DLG2: variants seen among roughly 807,000 people sequenced by gnomAD.
DLG2 encodes the protein discs large MAGUK scaffold protein 2, also known as disks large homolog 2.
Under a neutral mutation model 132.5 loss-of-function variants are expected in DLG2, and 45 were observed. The observed-to-expected ratio is 0.34, with a 90% CI of 0.27 to 0.44. DLG2 has a LOEUF of 0.44. Among genes scored for constraint, DLG2 ranks in the 20% least tolerant of loss-of-function variants. The probability of loss-of-function intolerance (pLI) is 1.00; values close to 1 mark genes in which losing one functional copy is unlikely to be tolerated. For synonymous variants in DLG2, 424 were observed against 419.6 expected (o/e 1.01, Z -0.13); for missense variants, 1,045 against 1,196.9 (o/e 0.87, Z 1.87).
chr11:84,147,575 GA>G (rs993369427), intron 9 of DLG2, among the ~76,000 whole-genome samples: 3 of 152,056 alleles, frequency 2.0e-5, no homozygotes, highest in Non-Finnish European at 4.4e-5. Context: ...AGTTAATAAA[GA>G]AAAGAAAAGA....
At chr11:84,292,911 T>C (rs1341101511) in intron 7 of DLG2, among the ~76,000 whole-genome samples, 1 of 151,856 alleles carries the variant, frequency 6.6e-6, no homozygotes, top group African/African-American at 2.4e-5. Context: ...GCTAATGAGC[T>C]AAAAAACAAA....
chr11:85,252,539 T>C (rs1422582453), intron 4 of DLG2, among the ~76,000 whole-genome samples: 1 of 151,906 alleles, frequency 6.6e-6, no homozygotes, highest in Non-Finnish European at 1.5e-5. Flanking sequence ...TGAGCCAAGA[T>C]CACGCCACTG....
intron 3 of DLG2, among the ~76,000 whole-genome samples, chr11:85,565,394 A>G (rs1198427920): frequency 6.6e-6 from 1 of 152,096 alleles, no homozygotes; most frequent in African/African-American, 2.4e-5. Flanking sequence ...ATCATTTTAA[A>G]GTATATAATT....
At chr11:84,717,357 A>T (rs139932688) in intron 6 of DLG2, among the ~76,000 whole-genome samples, 1 of 152,200 alleles carries the variant, frequency 6.6e-6, no homozygotes, top group African/African-American at 2.4e-5. Context: ...TTACTAAAAG[A>T]TTCAATGAAA....
intron 26 of DLG2, among the ~76,000 whole-genome samples, chr11:83,464,076 A>G (rs2090560734): frequency 6.6e-6 from 1 of 152,200 alleles, no homozygotes; most frequent in Non-Finnish European, 1.5e-5. Context: ...CTAGATAAAC[A>G]TAATTATAAG....
intron 4 of DLG2, among the ~76,000 whole-genome samples, chr11:85,279,548 G>A (rs2078105439): frequency 2.0e-5 from 3 of 151,936 alleles, no homozygotes. Context: ...TTCCTTGACT[G>A]TGCCTTTTCT....
intron 11 of DLG2, among the ~76,000 whole-genome samples, chr11:83,999,187 C>T (rs1206047325): frequency 6.6e-6 from 1 of 152,160 alleles, no homozygotes; most frequent in Non-Finnish European, 1.5e-5. Flanking sequence ...AGCCTGAGGA[C>T]AAGCCTGCCT....
intron 19 of DLG2, among the ~76,000 whole-genome samples, chr11:83,579,927 G>A (rs1030344149): frequency 5.9e-5 from 9 of 151,850 alleles, no homozygotes; most frequent in East Asian, 5.8e-4. Flanking sequence ...CCGAGATCTC[G>A]CCACTGCACT....
intron 11 of DLG2, among the ~76,000 whole-genome samples, chr11:84,022,436 C>G (rs1250774715): frequency 6.6e-6 from 1 of 152,114 alleles, no homozygotes; most frequent in South Asian, 2.1e-4. Context: ...AGCAGAAACA[C>G]AGGAGGAAGT....
intron 3 of DLG2, among the ~76,000 whole-genome samples, chr11:85,296,448 A>G (rs2079209145): frequency 7.0e-6 from 1 of 142,260 alleles, no homozygotes; most frequent in African/African-American, 2.6e-5. Context: ...AAATGGCAAG[A>G]TTGTTTTGTT....
At chr11:84,797,311 C>T (rs1304705269) in intron 6 of DLG2, among the ~76,000 whole-genome samples, 3 of 152,108 alleles carry the variant, frequency 2.0e-5, no homozygotes, top group Non-Finnish European at 2.9e-5. Context: ...TCTTTGAATA[C>T]ACTTTCTACC....
At chr11:83,910,838 C>G (rs994291462) in intron 15 of DLG2, among the ~76,000 whole-genome samples, 6 of 152,078 alleles carry the variant, frequency 3.9e-5, no homozygotes, top group Admixed American at 2.6e-4. Context: ...AGATGACACA[C>G]TGAACATTTG....
At chr11:84,843,919 A>C (rs1443076709) in intron 6 of DLG2, among the ~76,000 whole-genome samples, 1 of 151,078 alleles carries the variant, frequency 6.6e-6, no homozygotes, top group Non-Finnish European at 1.5e-5. Context: ...GTATGTGTGT[A>C]TATATATGTT....
intron 6 of DLG2, among the ~76,000 whole-genome samples, chr11:84,597,884 G>A (rs917806429): frequency 2.6e-5 from 4 of 152,148 alleles, no homozygotes; most frequent in Non-Finnish European, 5.9e-5. Flanking sequence ...AATCAGGCCT[G>A]TACTCCTAAT....
chr11:85,519,790 T>C (rs1048511398), intron 3 of DLG2, among the ~76,000 whole-genome samples: 41 of 152,088 alleles, frequency 2.7e-4, no homozygotes, highest in African/African-American at 9.4e-4. Flanking sequence ...AATTTAATCA[T>C]GGGGTCAGGT....
At chr11:85,353,436 C>T (rs1226880888) in intron 3 of DLG2, among the ~76,000 whole-genome samples, 5 of 152,148 alleles carry the variant, frequency 3.3e-5, no homozygotes, top group Admixed American at 1.3e-4. Context: ...GTGGCAATTC[C>T]TCAAGGATCT....
intron 8 of DLG2, among the ~76,000 whole-genome samples, chr11:84,217,019 C>A (rs998121335): frequency 4.6e-5 from 7 of 152,146 alleles, no homozygotes; most frequent in Non-Finnish European, 7.4e-5. Flanking sequence ...TATTTAAAAA[C>A]CACTAATTGT....
In DLG2 at chr11:84,214,331, TTA is replaced by T. The variant is rs888533344; in HGVS notation, c.573+36905_573+36906del. Among the ~76,000 whole-genome samples, 3 of 147,418 alleles carry T rather than the reference TTA, an allele frequency of 2.0e-5. 1 individual carries two copies. In the South Asian group the frequency reaches 6.3e-4, roughly 31 times the overall value. On this transcript the variant is annotated intron_variant, in intron 8 of 27. Transcript: ENST00000376104. ...TTTCTATACATGTTTATATATGTTT[TTA>T]TGTGTACATACATATGTATATGTTT...
At chr11:84,357,549 A>T (rs1227414763) in intron 7 of DLG2, among the ~76,000 whole-genome samples, 1 of 152,022 alleles carries the variant, frequency 6.6e-6, no homozygotes, top group Admixed American at 6.6e-5. Context: ...TGTGTCCCCA[A>T]GGCACATAAA....
Sources: gnomAD v4.1 joint callset for allele counts (sites outside exome capture counted in the v4.1 genomes callset) on GRCh38, gnomAD v4.1.1 for gene constraint, MANE v1.5 for transcripts, NCBI Gene and HGNC (gene_info 2026-07-23, HGNC 2026-07-21) for gene names.